ROBO2: variants seen among roughly 807,000 people sequenced by gnomAD.
The protein encoded by ROBO2 is roundabout guidance receptor 2.
In ROBO2, 53 loss-of-function variants were observed where a neutral mutation model predicts 160.8. The ratio of observed to expected loss-of-function variants is 0.33; its 90% confidence interval spans 0.26 to 0.41. The LOEUF is 0.41. Ranked by LOEUF, ROBO2 falls within the 10% of genes least tolerant of loss-of-function variation. ROBO2 has a pLI of 1.00. For synonymous variants in ROBO2, 664 were observed against 611.7 expected, an observed-to-expected ratio of 1.09 and a Z score of -1.26; for missense variants, 1,577 against 1,722.4, an observed-to-expected ratio of 0.92 and a Z score of 1.49.
chr3:76,802,944 G>C (rs2064340434), intron 2 of ROBO2, among the ~76,000 whole-genome samples: 1 of 152,078 alleles, frequency 6.6e-6, no homozygotes, highest in Non-Finnish European at 1.5e-5. Context: ...TATGATTTAT[G>C]GAAGGCTATC....
At chr3:76,977,537 A>G (rs1202502707) in intron 2 of ROBO2, among the ~76,000 whole-genome samples, 4 of 152,168 alleles carry the variant, frequency 2.6e-5, no homozygotes, top group Non-Finnish European at 4.4e-5. Flanking sequence ...AGGTACAGGA[A>G]TAACTTGGTT....
intron 2 of ROBO2, among the ~76,000 whole-genome samples, chr3:76,456,905 C>G (rs1056888612): frequency 6.6e-6 from 1 of 152,146 alleles, no homozygotes; most frequent in African/African-American, 2.4e-5. Flanking sequence ...CATCAGAGCT[C>G]GTGAGACTTA....
At chr3:76,168,033 C>T (rs2072902948) in intron 2 of ROBO2, among the ~76,000 whole-genome samples, 1 of 152,108 alleles carries the variant, frequency 6.6e-6, no homozygotes, top group Non-Finnish European at 1.5e-5. Flanking sequence ...ATCCAGTCAA[C>T]CTTGGACTAA....
At chr3:76,466,250 T>A (rs1256567500) in intron 2 of ROBO2, among the ~76,000 whole-genome samples, 1 of 151,862 alleles carries the variant, frequency 6.6e-6, no homozygotes, top group Non-Finnish European at 1.5e-5. Flanking sequence ...TTTATAATAT[T>A]AATTCATTTG....
intron 2 of ROBO2, among the ~76,000 whole-genome samples, chr3:77,304,685 T>G (rs530234766): frequency 4.6e-5 from 7 of 152,346 alleles, no homozygotes; most frequent in South Asian, 2.1e-4. Flanking sequence ...AATAACCTGC[T>G]TTTATCTTTA....
intron 2 of ROBO2, among the ~76,000 whole-genome samples, chr3:77,340,764 T>A (rs1168871515): frequency 6.6e-6 from 1 of 152,106 alleles, no homozygotes; most frequent in Non-Finnish European, 1.5e-5. Context: ...GACTAGTTAC[T>A]AATCATAATA....
At chr3:77,286,926 T>C (rs1287533987) in intron 2 of ROBO2, among the ~76,000 whole-genome samples, 1 of 152,230 alleles carries the variant, frequency 6.6e-6, no homozygotes, top group Non-Finnish European at 1.5e-5. Context: ...TAAGTACAAA[T>C]GGTTTCACTC....
chr3:77,381,856 G>T (rs1375767867), intron 2 of ROBO2, among the ~76,000 whole-genome samples: 1 of 152,078 alleles, frequency 6.6e-6, no homozygotes, highest in African/African-American at 2.4e-5. Context: ...TTTTAAACCA[G>T]AGTACATTTA....
chr3:76,810,572 G>C (rs765376694), intron 2 of ROBO2, among the ~76,000 whole-genome samples: 23 of 152,024 alleles, frequency 1.5e-4, no homozygotes, highest in Non-Finnish European at 2.9e-4. Flanking sequence ...CACCAGCTAG[G>C]AGATAAACTT....
intron 2 of ROBO2, among the ~76,000 whole-genome samples, chr3:76,022,073 CAGG>C (rs945893344): frequency 2.6e-5 from 4 of 151,704 alleles, no homozygotes; most frequent in Non-Finnish European, 4.4e-5. Flanking sequence ...GCATCATTAC[CAGG>C]AGTAGTTTCT....
At chr3:77,347,574 C>T (rs755569572) in intron 2 of ROBO2, among the ~76,000 whole-genome samples, 5 of 151,966 alleles carry the variant, frequency 3.3e-5, no homozygotes, top group Non-Finnish European at 4.4e-5. Flanking sequence ...TCTTAAGCCA[C>T]GTCTAAAATT....
intron 6 of ROBO2, among the ~76,000 whole-genome samples, chr3:77,526,709 T>C (rs1256221492): frequency 2.6e-5 from 4 of 151,496 alleles, no homozygotes; most frequent in South Asian, 2.1e-4. Flanking sequence ...AAAATGATAA[T>C]TTGTTGAAGC....
At chr3:77,025,005 G>A (rs2062876043) in intron 2 of ROBO2, among the ~76,000 whole-genome samples, 1 of 150,646 alleles carries the variant, frequency 6.6e-6, no homozygotes, top group African/African-American at 2.5e-5. Flanking sequence ...AAGGACAGAA[G>A]GTCTGTTCTT....
At chr3:76,395,313 A>T (rs1209200826) in intron 2 of ROBO2, among the ~76,000 whole-genome samples, 3 of 150,632 alleles carry the variant, frequency 2.0e-5, no homozygotes, top group Non-Finnish European at 4.4e-5. Flanking sequence ...AATCTCTGGG[A>T]CACATTCAAA....
chr3:76,111,106 G>A (rs940326403), intron 2 of ROBO2, among the ~76,000 whole-genome samples: 2 of 152,116 alleles, frequency 1.3e-5, no homozygotes, highest in African/African-American at 2.4e-5. Flanking sequence ...GATGGAATTA[G>A]TTCAGATGAG....
At chr3:76,085,236 G>A (rs896673477) in intron 2 of ROBO2, among the ~76,000 whole-genome samples, 10 of 148,768 alleles carry the variant, frequency 6.7e-5, no homozygotes, top group Admixed American at 5.4e-4. Flanking sequence ...CTTAATCATT[G>A]ACAAACCAAT....
At chr3:76,598,643 A>G (rs2086895158) in intron 2 of ROBO2, among the ~76,000 whole-genome samples, 2 of 152,166 alleles carry the variant, frequency 1.3e-5, no homozygotes, top group Admixed American at 6.6e-5. Flanking sequence ...AATTTCAATT[A>G]AGCGTGTCAA....
chr3:76,469,352 C>T (rs1577409848), intron 2 of ROBO2, among the ~76,000 whole-genome samples: 1 of 152,020 alleles, frequency 6.6e-6, no homozygotes, highest in Non-Finnish European at 1.5e-5. Context: ...CTAATATAAA[C>T]TCTTGTCATT....
At chr3:76,105,238 CCCT>C (rs2069870823) in intron 2 of ROBO2, among the ~76,000 whole-genome samples, 1 of 151,708 alleles carries the variant, frequency 6.6e-6, no homozygotes, top group Non-Finnish European at 1.5e-5. Flanking sequence ...ATATAAATCC[CCCT>C]ATCACCCAAA....
Sources: gnomAD v4.1 joint callset for allele counts (sites outside exome capture counted in the v4.1 genomes callset) on GRCh38, gnomAD v4.1.1 for gene constraint, MANE v1.5 for transcripts, NCBI Gene and HGNC (gene_info 2026-07-23, HGNC 2026-07-21) for gene names.